SALL1: variants seen among roughly 807,000 people sequenced by gnomAD.
SALL1 encodes sal-like protein 1.
Under a neutral mutation model 73.1 loss-of-function variants are expected in SALL1, and 10 were observed. The ratio of observed to expected loss-of-function variants is 0.14; its 90% CI spans 0.08 to 0.23. The LOEUF (loss-of-function observed/expected upper bound fraction) is 0.23. SALL1 is among the 10% of genes least tolerant of loss of function. The pLI is 1.00. For missense variants in SALL1, 1,520 were observed against 1,697.3 expected, an observed-to-expected ratio of 0.90 and a Z score of 1.84; for synonymous variants, 688 against 689.8, an observed-to-expected ratio of 1.00 and a Z score of 0.04.
At chr16:51,151,663 C>T (rs559398731), upstream of SALL1, among the ~76,000 whole-genome samples, 1,631 of 151,434 alleles carry the variant, frequency 0.011, 35 homozygotes, top group African/African-American at 0.037. Context: ...CGGGGGCCGG[C>T]CTCCTCTCCA....
At position 51,139,444 on chromosome 16, in the gene SALL1, C is replaced by A; in HGVS notation, c.2778G>T (p.Met926Ile). The change falls in exon 2 of 3, where the codon ATG becomes ATT. Residue 926 changes from methionine to isoleucine, a missense_variant. Around this residue, in one of 7 missense-constraint regions of SALL1, gnomAD observed 266 missense variants for 275.1 expected, o/e 0.97. Transcript: ENST00000251020. ...SPAISESTSS[M>I]QALSPSNSTQ... Reference sequence around the variant, plus strand: ...TGCTGTTGGACGGGGACAGAGCCTGCATGGAAGAGGTAGACTCTGAGATGG... The same window carrying A: ...TGCTGTTGGACGGGGACAGAGCCTGAATGGAAGAGGTAGACTCTGAGATGG... The A allele has an allele frequency of 6.2e-7, 1 of 1,614,202 alleles. No homozygotes were observed. Among genetic ancestry groups the A allele is most frequent in the South Asian group, 1.1e-5 (1 of 91,082 alleles).
chr16:51,143,352 C>G, intron 1 of SALL1: 1 of 431,736 alleles, frequency 2.3e-6, no homozygotes, highest in Non-Finnish European at 4.7e-6. Context: ...CATTGTTTGC[C>G]CAGCATGGGG....
chr16:51,139,388 T>C lies in SALL1; in HGVS notation c.2834A>G (p.Glu945Gly). 6.2e-7 allele frequency: 1 copy of C among 1,614,194 alleles called. No individual in the cohort carries two copies. The highest frequency in any genetic ancestry group is 8.5e-7 in the Non-Finnish European group (1 of 1,180,030). Reference protein sequence around the residue: ...TQEFHKSPSIEEKPQRAVPSE... With the variant: ...TQEFHKSPSIGEKPQRAVPSE... ...TGGGACCGCTCTCTGTGGTTTCTCC[T>C]CAATGCTGGGTGACTTGTGGAACTC... The change falls in exon 2 of 3, where the codon GAG becomes GGG. Residue 945 changes from glutamate (E) to glycine (G), a missense_variant. By Grantham distance (98) the Glu-to-Gly change is moderately conservative. Around this residue, in one of 7 missense-constraint regions of SALL1, gnomAD observed 266 missense variants for 275.1 expected, o/e 0.97. Transcript: ENST00000251020.
Position 51,139,730 on chromosome 16 carries a change from T to C in SALL1, c.2492A>G (p.Asp831Gly). The C allele has an allele frequency of 7.4e-6, 12 of 1,614,212 alleles. No individual in the cohort carries two copies. The highest frequency in any genetic ancestry group is 9.3e-6 in the Non-Finnish European group (11 of 1,180,034). ...ATCAGGGATGCTGCCCTCAGGACAG[T>C]CTTCCATGTTTTCATCAGAGAAGTT... ...LDNFSDENME[D>G]CPEGSIPDTP... The change falls in exon 2 of 3, where the codon GAC becomes GGC. Residue 831 changes from aspartate (D) to glycine (G), a missense_variant. This residue lies in a region of SALL1 where 266 missense variants were observed against 275.1 expected (regional missense o/e 0.97). Transcript: ENST00000251020.
chr16:51,136,715 T>G lies in SALL1; in HGVS notation c.*397A>C, dbSNP rs1799407447. 3.5e-6 allele frequency: 1 copy of G among 282,142 alleles called. No individual in the cohort carries two copies. The highest frequency in any genetic ancestry group is 6.9e-6 in the Non-Finnish European group (1 of 144,996). The allele number at this position is 282,142 out of a possible 1,614,324, so 17.5% of individuals were successfully genotyped here. A position where few individuals can be genotyped will look rare whatever the true frequency, so the allele number is the denominator to read the frequency against. On this transcript the variant is annotated 3_prime_UTR_variant, in exon 3 of 3. Coordinates refer to ENST00000251020, the MANE Select transcript of SALL1 (RefSeq NM_002968.3). ...CAGACTTTATTAGAGATCTAATGCA[T>G]CACTGAGGCATTGCATCAACACCAG...
chr16:51,137,619 A>C (rs1962338542), intron 2 of SALL1, 67 bp from the exon 3 acceptor site: 1 of 1,260,100 alleles, frequency 7.9e-7, no homozygotes, highest in Middle Eastern at 1.9e-4. Context: ...AGGGGGAGAG[A>C]AGCTTAATAG....
In SALL1 at chr16:51,139,398, G is replaced by A; in HGVS notation, c.2824C>T (p.Pro942Ser). 8 of 1,614,174 alleles carry A rather than the reference G, an allele frequency of 5.0e-6. No homozygotes were observed. Among genetic ancestry groups the A allele is most frequent in the Non-Finnish European group, 6.8e-6 (8 of 1,180,044 alleles). Residue 942 changes from proline to serine, a missense_variant, in exon 2 of 3, where the codon CCC (proline) becomes TCC (serine). Pro to Ser is a moderately conservative substitution (Grantham distance 74). This residue lies in a region of SALL1 where 266 missense variants were observed against 275.1 expected (regional missense o/e 0.97). Coordinates refer to ENST00000251020, the MANE Select transcript of SALL1 (RefSeq NM_002968.3). ...CTCTGTGGTTTCTCCTCAATGCTGG[G>A]TGACTTGTGGAACTCCTGCGTGCTG... ...SNSTQEFHKS[P>S]SIEEKPQRAV... is the part of the protein sequence containing the mutation.
Position 51,140,520 on chromosome 16 carries a change from G to T in SALL1, c.1702C>A (p.Pro568Thr). The change falls in exon 2 of 3, where the codon CCC becomes ACC. Residue 568 changes from proline to threonine, a missense_variant. Pro to Thr is a conservative substitution (Grantham distance 38). Transcript: ENST00000251020. This position sits in a 1 kb window ranked among gnomAD's most constrained non-coding sequence, Gnocchi z 5.7. ...PLPPTLPSLI[P>T]FIKTEEPAPI... is the part of the protein sequence containing the mutation. ...GCTGGCTCTTCCGTCTTGATGAAGG[G>T]TATGAGGCTTGGGAGGGTTGGGGGC... 1 of 1,614,050 alleles carries T rather than the reference G, an allele frequency of 6.2e-7. No homozygotes were observed. The highest frequency in any genetic ancestry group is 1.3e-5 in the African/African-American group (1 of 75,030).
chr16:51,140,660 G>A lies in SALL1; in HGVS notation c.1562C>T (p.Pro521Leu). The change falls in exon 2 of 3, where the codon CCC becomes CTC. Residue 521 changes from proline (P) to leucine (L), a missense_variant. Physicochemically the swap from Pro to Leu is moderately conservative, Grantham distance 98. Coordinates refer to ENST00000251020, the MANE Select transcript of SALL1 (RefSeq NM_002968.3). This position sits in a 1 kb window ranked among gnomAD's most constrained non-coding sequence, Gnocchi z 5.7. ...YPVPEHLDNI[P>L]TSTGIPYGMS... ...GCCATATGGGATGCCAGTACTCGTG[G>A]GGATATTGTCCAAATGCTCAGGCAC... The A allele has an allele frequency of 6.2e-7, 1 of 1,614,174 alleles. No homozygotes were observed.
chr16:51,150,898 C>G lies in SALL1; in HGVS notation c.76+268G>C, dbSNP rs1962588292. The G allele has an allele frequency of 2.2e-5, 8 of 371,626 alleles. No homozygotes were observed. The South Asian group carries it at 8.5e-4, about 40-fold the overall frequency. The allele number at this position is 371,626 out of a possible 1,614,324, so 23.0% of individuals were successfully genotyped here. On this transcript the variant is annotated intron_variant, in intron 1 of 2. Transcript: ENST00000251020. Reference sequence around the variant, plus strand: ...GACGGAGAAGCCAGGCCGGCATGCCCGCCCTCCTTCCCCCGGGAGGACCCA... The same window carrying G: ...GACGGAGAAGCCAGGCCGGCATGCCGGCCCTCCTTCCCCCGGGAGGACCCA...
intron 1 of SALL1, chr16:51,149,348 A>G (rs1962562291): frequency 6.6e-6 from 1 of 152,198 alleles, no homozygotes; most frequent in South Asian, 2.1e-4. Flanking sequence ...TTTTGTGTAC[A>G]AACTGTTAAC....
chr16:51,140,923 G>A lies in SALL1; in HGVS notation c.1299C>T (p.Val433=), dbSNP rs1567315948. 5 of 1,614,238 alleles carry A rather than the reference G, an allele frequency of 3.1e-6. No individual in the cohort carries two copies. The highest frequency in any genetic ancestry group is 4.2e-6 in the Non-Finnish European group (5 of 1,180,038). The part of the protein sequence containing the change: ...AQQRKSKPPN[V]TAFEAKSTSD... Reference sequence around the variant, plus strand: ...AAGTACTTTTCGCTTCAAAGGCAGTGACATTTGGTGGCTTGCTTTTTCTTT... The same window carrying A: ...AAGTACTTTTCGCTTCAAAGGCAGTAACATTTGGTGGCTTGCTTTTTCTTT... Residue 433 remains valine, a synonymous_variant, in exon 2 of 3, where the codon GTC becomes GTT. Transcript: ENST00000251020. This position sits in a 1 kb window ranked among gnomAD's most constrained non-coding sequence, Gnocchi z 5.7.
chr16:51,150,083 C>G (rs541893155), intron 1 of SALL1, among the ~76,000 whole-genome samples: 22 of 152,334 alleles, frequency 1.4e-4, no homozygotes, highest in Non-Finnish European at 2.9e-4. Context: ...AGGCCGGTAC[C>G]GTGAAACACC....
rs757315228 is a variant in SALL1, at chr16:51,139,752, A to T, written c.2470T>A (p.Phe824Ile). 19 of 1,614,060 alleles carry T rather than the reference A, an allele frequency of 1.2e-5. No individual in the cohort carries two copies. The highest frequency in any genetic ancestry group is 2.2e-5 in the South Asian group (2 of 91,082). Reference sequence around the variant, plus strand: ...CAGTCTTCCATGTTTTCATCAGAGAAGTTGTCTAGGTCATCAAAATTTTTC... The same window carrying T: ...CAGTCTTCCATGTTTTCATCAGAGATGTTGTCTAGGTCATCAAAATTTTTC... ...DEKNFDDLDN[F>I]SDENMEDCPE... The change falls in exon 2 of 3, where the codon TTC (phenylalanine) becomes ATC (isoleucine). Residue 824 changes from phenylalanine to isoleucine, a missense_variant. Physicochemically the swap from Phe to Ile is conservative, Grantham distance 21. Transcript: ENST00000251020.
At chr16:51,147,803 A>ACACACACACACACACACG (rs1962540916) in intron 1 of SALL1, among the ~76,000 whole-genome samples, 1 of 151,974 alleles carries the variant, frequency 6.6e-6, no homozygotes, top group Non-Finnish European at 1.5e-5. Context: ...ACACACACAC[A>ACACACACACACACACACG]CACACATGCA....
chr16:51,140,512 G>T lies in SALL1; in HGVS notation c.1710C>A (p.Ile570=). Reference sequence around the variant, plus strand: ...GGATGGGGGCTGGCTCTTCCGTCTTGATGAAGGGTATGAGGCTTGGGAGGG... The same window carrying T: ...GGATGGGGGCTGGCTCTTCCGTCTTTATGAAGGGTATGAGGCTTGGGAGGG... ...PPTLPSLIPF[I]KTEEPAPIPI... The change falls in exon 2 of 3, where the codon ATC becomes ATA. Residue 570 remains isoleucine (I), a synonymous_variant. Coordinates refer to ENST00000251020, the MANE Select transcript of SALL1 (RefSeq NM_002968.3). This position sits in a 1 kb window ranked among gnomAD's most constrained non-coding sequence, Gnocchi z 5.7. 1 of 1,614,020 alleles carries T rather than the reference G, an allele frequency of 6.2e-7. No homozygotes were observed. The highest frequency in any genetic ancestry group is 8.5e-7 in the Non-Finnish European group (1 of 1,179,958).
Position 51,141,648 on chromosome 16 carries a change from T to C in SALL1, c.574A>G (p.Asn192Asp). 1 of 1,613,734 alleles carries C rather than the reference T, an allele frequency of 6.2e-7. No individual in the cohort carries two copies. The highest frequency in any genetic ancestry group is 8.5e-7 in the Non-Finnish European group (1 of 1,180,018). The change falls in exon 2 of 3, where the codon AAC becomes GAC. Residue 192 changes from asparagine (N) to aspartate (D), a missense_variant. Physicochemically the swap from Asn to Asp is conservative, Grantham distance 23 (BLOSUM62 1). Transcript: ENST00000251020. This position sits in a 1 kb window ranked among gnomAD's most constrained non-coding sequence, Gnocchi z 5.4. Reference protein sequence around the residue: ...LTTLGNFSVINSNVIIENLQS... With the variant: ...LTTLGNFSVIDSNVIIENLQS... ...AGGTTCTCGATGATGACGTTGCTGT[T>C]GATTACGGAGAAGTTGCCCAGTGTT... is the stretch of plus-strand genomic sequence containing the variant.
At position 51,138,583 on chromosome 16, in the gene SALL1, T is replaced by TC; in HGVS notation, c.3534+104dup. 2.8e-6 allele frequency: 4 copies of TC among 1,413,666 alleles called. No homozygotes were observed. The South Asian group carries it at 5.7e-5, about 20-fold the overall frequency. 87.6% of individuals were successfully genotyped at this position (1,413,666 alleles called of 1,614,324 possible). A position where few individuals can be genotyped will look rare whatever the true frequency, so the allele number is the denominator to read the frequency against. ...AGCAGGTTCCCTTGCAAGAGCTCTC[T>TC]CCCTGAATATCTGGGCTGATGACTC... On this transcript the variant is annotated intron_variant, in intron 2 of 2. Coordinates refer to ENST00000251020, the MANE Select transcript of SALL1 (RefSeq NM_002968.3).
chr16:51,143,337 C>G (rs1962471388), intron 1 of SALL1: 1 of 430,960 alleles, frequency 2.3e-6, no homozygotes, highest in South Asian at 1.7e-5. Context: ...GACAGGATGG[C>G]TTCCCATTGT....
Sources: allele counts gnomAD v4.1 joint callset (sites outside exome capture counted in the v4.1 genomes callset), GRCh38; gene constraint gnomAD v4.1.1; regional missense constraint gnomAD v4.1.1; non-coding constraint Gnocchi (gnomAD v3.1); transcripts MANE v1.5; gene names NCBI Gene and HGNC (gene_info 2026-07-23, HGNC 2026-07-21).